SCAPER: variants seen among roughly 807,000 people sequenced by gnomAD.
SCAPER encodes the protein S-phase cyclin A associated protein in the ER, also known as S phase cyclin A-associated protein in the endoplasmic reticulum.
In SCAPER, 98 loss-of-function variants were observed where a neutral mutation model predicts 182.2. The observed-to-expected ratio is 0.54, with a 90% confidence interval of 0.46 to 0.64. The LOEUF is 0.64. Among genes scored for constraint, SCAPER ranks in the 30% least tolerant of loss-of-function variants. SCAPER has a pLI of 0.00. For synonymous variants in SCAPER, 605 were observed against 564.6 expected, an observed-to-expected ratio of 1.07 and a Z score of -1.01; for missense variants, 1,432 against 1,690.0, an observed-to-expected ratio of 0.85 and a Z score of 2.68.
intron 16 of SCAPER, 142 bp from the exon 17 acceptor site, chr15:76,728,879 T>C (rs900487095): frequency 1.2e-6 from 1 of 841,906 alleles, no homozygotes; most frequent in Non-Finnish European, 1.8e-6. Flanking sequence ...CTTCTTAAAG[T>C]TTAAACAAAA....
chr15:76,367,978 G>C (rs958723264), intron 29 of SCAPER, among the ~76,000 whole-genome samples: 3 of 152,036 alleles, frequency 2.0e-5, no homozygotes, highest in African/African-American at 7.2e-5. Flanking sequence ...TTCCAAAATG[G>C]TTGCACTGCT....
chr15:76,839,376 A>AT (rs1265954621), intron 5 of SCAPER, among the ~76,000 whole-genome samples: 1 of 152,230 alleles, frequency 6.6e-6, no homozygotes, highest in Admixed American at 6.5e-5. Flanking sequence ...TTATTGCGTC[A>AT]TGTATCTCAT....
intron 26 of SCAPER, among the ~76,000 whole-genome samples, chr15:76,418,240 A>C (rs906752017): frequency 5.3e-5 from 8 of 152,200 alleles, no homozygotes; most frequent in African/African-American, 1.9e-4. Context: ...ACCACCACAG[A>C]CAGGGGAGTA....
intron 22 of SCAPER, among the ~76,000 whole-genome samples, chr15:76,592,203 G>C (rs1004932026): frequency 1.3e-5 from 2 of 151,584 alleles, no homozygotes; most frequent in South Asian, 2.1e-4. Flanking sequence ...GTAATACTTA[G>C]GAATGAAATT....
chr15:76,825,375 G>A (rs1008197593), intron 5 of SCAPER, among the ~76,000 whole-genome samples: 2 of 151,918 alleles, frequency 1.3e-5, no homozygotes. Flanking sequence ...ACTCTTCTAT[G>A]ATCCTACAGC....
At chr15:76,883,341 G>T (rs766458079) in intron 2 of SCAPER, among the ~76,000 whole-genome samples, 5 of 152,166 alleles carry the variant, frequency 3.3e-5, no homozygotes, top group Non-Finnish European at 7.3e-5. Flanking sequence ...TCTTGAGTTA[G>T]AAAAGTAAAG....
chr15:76,436,131 G>A (rs537869956), intron 25 of SCAPER, among the ~76,000 whole-genome samples: 2 of 152,046 alleles, frequency 1.3e-5, no homozygotes, highest in Non-Finnish European at 1.5e-5. Flanking sequence ...GCAGTGGCAC[G>A]ATCTCAGCTC....
chr15:76,706,469 T>C (rs1251201875), intron 17 of SCAPER, among the ~76,000 whole-genome samples: 5 of 152,186 alleles, frequency 3.3e-5, no homozygotes, highest in Admixed American at 6.5e-5. Flanking sequence ...CAAAATTCCA[T>C]AGAAGCTCAG....
At chr15:76,440,868 A>G (rs2047518447) in intron 25 of SCAPER, among the ~76,000 whole-genome samples, 1 of 139,530 alleles carries the variant, frequency 7.2e-6, no homozygotes, top group Non-Finnish European at 1.5e-5. Context: ...AGTGGCTAGT[A>G]GTTCCTCACT....
intron 21 of SCAPER, among the ~76,000 whole-genome samples, chr15:76,653,312 T>C (rs1241277028): frequency 6.6e-6 from 1 of 152,152 alleles, no homozygotes; most frequent in Non-Finnish European, 1.5e-5. Context: ...ACAGATATAA[T>C]GCTATTCATA....
intron 27 of SCAPER, among the ~76,000 whole-genome samples, chr15:76,389,622 G>A (rs1371993573): frequency 2.0e-5 from 3 of 149,700 alleles, no homozygotes; most frequent in African/African-American, 4.9e-5. Flanking sequence ...GACCATCCTG[G>A]CTAACACGGT....
intron 2 of SCAPER, 112 bp downstream of exon 2, chr15:76,883,700 T>C: frequency 1.1e-6 from 1 of 875,940 alleles, no homozygotes; most frequent in Non-Finnish European, 1.7e-6. Context: ...TTTATGACAA[T>C]GTGTTCCATA....
chr15:76,772,350 G>T (rs533374776), intron 9 of SCAPER, among the ~76,000 whole-genome samples: 2 of 152,014 alleles, frequency 1.3e-5, no homozygotes, highest in East Asian at 1.9e-4. Flanking sequence ...CTTTTGCAAA[G>T]ACTGTCTAAT....
At chr15:76,479,896 T>G (rs891685679) in intron 24 of SCAPER, among the ~76,000 whole-genome samples, 3 of 152,342 alleles carry the variant, frequency 2.0e-5, no homozygotes, top group Admixed American at 6.5e-5. Flanking sequence ...AGAATGGCTT[T>G]AAGTTCTGGC....
At chr15:76,670,667 C>T (rs1347366650) in intron 20 of SCAPER, among the ~76,000 whole-genome samples, 1 of 152,034 alleles carries the variant, frequency 6.6e-6, no homozygotes, top group African/African-American at 2.4e-5. Flanking sequence ...ATGTGGTGTT[C>T]CTGTTTTGTT....
chr15:76,610,155 T>C (rs559283995), intron 22 of SCAPER, among the ~76,000 whole-genome samples: 4 of 152,256 alleles, frequency 2.6e-5, no homozygotes, highest in Admixed American at 1.3e-4. Flanking sequence ...AGTGCCAGCA[T>C]AGCACTGTGC....
In SCAPER at chr15:76,504,850, T is replaced by A. The variant is rs749048142; in HGVS notation, c.2954+9A>T. On this transcript the variant is annotated intron_variant, in intron 24 of 31. Transcript: ENST00000563290. ...AAACGTAAAAAATAGATTAAGAAAC[T>A]ATACTTACTTAGGAGGAATTCTTAA... 1.3e-6 allele frequency: 2 copies of A among 1,585,664 alleles called. No individual in the cohort carries two copies. Among genetic ancestry groups the A allele is most frequent in the Non-Finnish European group, 1.7e-6 (2 of 1,166,168 alleles).
chr15:76,699,722 G>A (rs72738889), intron 20 of SCAPER, among the ~76,000 whole-genome samples: 57,810 of 152,072 alleles, frequency 0.38, 13,034 homozygotes, highest in Middle Eastern at 0.53. Flanking sequence ...TTCCTGGTCC[G>A]CTGGCAACAA....
intron 27 of SCAPER, among the ~76,000 whole-genome samples, chr15:76,401,825 GAA>G (rs1021536393): frequency 2.6e-5 from 4 of 152,176 alleles, no homozygotes; most frequent in African/African-American, 9.7e-5. Context: ...AGGGAAGGGA[GAA>G]AACTCAATCA....
Sources: gnomAD v4.1 joint callset for allele counts (sites outside exome capture counted in the v4.1 genomes callset) on GRCh38, gnomAD v4.1.1 for gene constraint, MANE v1.5 for transcripts, NCBI Gene and HGNC (gene_info 2026-07-23, HGNC 2026-07-21) for gene names.